The following EVPL variants were observed in gnomAD, a reference collection of about 807,000 sequenced individuals.
The protein encoded by EVPL is 210 kDa cornified envelope precursor protein.
A neutral mutation model predicts 129.7 loss-of-function variants in EVPL; 94 were observed. That is an observed-to-expected ratio of 0.72 (90% CI 0.61 to 0.86). The LOEUF (loss-of-function observed/expected upper bound fraction) is 0.86. Ranked by LOEUF, EVPL falls within the 40% of genes least tolerant of loss-of-function variation. The probability of loss-of-function intolerance (pLI) is 0.00; values close to 1 mark genes in which losing one functional copy is unlikely to be tolerated. For missense variants in EVPL, 2,625 were observed against 2,721.1 expected (o/e 0.96, Z 0.79); for synonymous variants, 1,172 against 1,191.1 (o/e 0.98, Z 0.33).
At chr17:76,014,350 C>T in intron 18 of EVPL, 76 bp downstream of exon 18, 1 of 1,497,436 alleles carries the variant, frequency 6.7e-7, no homozygotes, top group Non-Finnish European at 8.9e-7. Flanking sequence ...GGCTTTGAAG[C>T]CCCTTAGAGC....
chr17:76,027,203 G>A lies in EVPL; in HGVS notation c.-5C>T, dbSNP rs376000928. 543 of 1,598,600 alleles carry A rather than the reference G, an allele frequency of 3.4e-4. 2 individuals carry two copies. The highest frequency in any genetic ancestry group is 6.2e-4 in the Admixed American group (37 of 59,436). The stretch of plus-strand genomic sequence containing the variant: ...TTTGCTCAGCCCCTTGAACATGGTC[G>A]TAAAGGCAAGTGCTGGCTCAGGCTG... On this transcript the variant is annotated 5_prime_UTR_variant, in exon 1 of 22. In the 5' UTR this introduces an upstream ATG that the reference lacks. Transcript: ENST00000301607.
In EVPL at chr17:76,027,102, G is replaced by A. The variant is rs1435882624; in HGVS notation, c.97C>T (p.Arg33Trp). The A allele has an allele frequency of 2.0e-6, 3 of 1,478,748 alleles. No homozygotes were observed. Among genetic ancestry groups the A allele is most frequent in the African/African-American group, 1.4e-5 (1 of 69,268 alleles). 91.6% of individuals were successfully genotyped at this position (1,478,748 alleles called of 1,614,324 possible). A position where few individuals can be genotyped will look rare whatever the true frequency, so the allele number is the denominator to read the frequency against. ...TCCCCATCCCCCAGTCCCACTTACCGGCTGTGCCTGCTGGGGGAGCCTTTG... is the reference window on the plus strand; with the variant it reads ...TCCCCATCCCCCAGTCCCACTTACCAGCTGTGCCTGCTGGGGGAGCCTTTG... ...SPKGSPSRHS[R>W]AATQELALLI... is the part of the protein sequence containing the mutation. Residue 33 changes from arginine to tryptophan, a missense_variant and splice_region_variant, in exon 1 of 22, where the codon CGG becomes TGG. This residue lies in a region of EVPL where 139 missense variants were observed against 186.8 expected (regional missense o/e 0.74). Coordinates refer to ENST00000301607, the MANE Select transcript of EVPL (RefSeq NM_001988.4).
rs762395416 is a variant in EVPL, at chr17:76,010,275, G to A, written c.2930C>T (p.Ala977Val). The A allele has an allele frequency of 3.7e-6, 6 of 1,613,972 alleles. No individual in the cohort carries two copies. The highest frequency in any genetic ancestry group is 5.1e-6 in the Non-Finnish European group (6 of 1,180,016). The change falls in exon 22 of 22, where the codon GCC becomes GTC. Residue 977 changes from alanine to valine, a missense_variant. Physicochemically the swap from Ala to Val is moderately conservative, Grantham distance 64. Coordinates refer to ENST00000301607, the MANE Select transcript of EVPL (RefSeq NM_001988.4). ...CCGCTTGCCCTCCTCCTCCACCTGG[G>A]CCTTCACCCTGGACAGGCTGCCCTC... ...QLEGSLSRVK[A>V]QVEEEGKRRA...
rs2066409229 is a variant in EVPL, at chr17:76,015,166, A to C, written c.2029-57T>G. 2.6e-6 allele frequency: 4 copies of C among 1,554,168 alleles called. No homozygotes were observed. In the African/African-American group the frequency reaches 4.0e-5, roughly 16 times the overall value. ...TCGTGGCTGGGGAGACGCCGTGTCCACCCACCCGCCCCTGAATGCTGGGTT... is the reference window on the plus strand; with the variant it reads ...TCGTGGCTGGGGAGACGCCGTGTCCCCCCACCCGCCCCTGAATGCTGGGTT... On this transcript the variant is annotated intron_variant, in intron 16 of 21. Coordinates refer to ENST00000301607, the MANE Select transcript of EVPL (RefSeq NM_001988.4).
At chr17:76,014,796 G>T in intron 17 of EVPL, 120 bp downstream of exon 17, 1 of 1,184,814 alleles carries the variant, frequency 8.4e-7, no homozygotes, top group Non-Finnish European at 1.2e-6. Flanking sequence ...TCCCATTTTA[G>T]AGATGAGGAA....
At position 76,008,529 on chromosome 17, in the gene EVPL, C is replaced by T. The variant is rs776295618; in HGVS notation, c.4676G>A (p.Arg1559His). Residue 1559 changes from arginine (R) to histidine (H), a missense_variant, in exon 22 of 22, where the codon CGC (arginine) becomes CAC (histidine). Coordinates refer to ENST00000301607, the MANE Select transcript of EVPL (RefSeq NM_001988.4). The surrounding 1 kb of genome is among the most constrained non-coding windows in gnomAD (Gnocchi z 7.4). ...GGCCCGGTCAATGCGCTCCCGCAGG[C>T]GCCGTGCCTCCTCCTCCCGGGCCTG... is the stretch of plus-strand genomic sequence containing the variant. ...ARQAREEEARRLRERIDRAET... is the reference protein window; with the variant it reads ...ARQAREEEARHLRERIDRAET... The T allele has an allele frequency of 3.1e-6, 5 of 1,606,548 alleles. No homozygotes were observed. The highest frequency in any genetic ancestry group is 1.1e-5 in the South Asian group (1 of 90,972).
chr17:76,021,038 A>C (rs551282598), intron 9 of EVPL, among the ~76,000 whole-genome samples: 2 of 152,198 alleles, frequency 1.3e-5, no homozygotes, highest in South Asian at 4.1e-4. Flanking sequence ...TCTGGGACCG[A>C]GTGGCAACCA....
chr17:76,010,678 A>T (rs1039713949), intron 21 of EVPL, 135 bp from the exon 22 acceptor site: 2 of 932,080 alleles, frequency 2.1e-6, no homozygotes, highest in Admixed American at 5.8e-5. Context: ...TGAAGACCTA[A>T]GATGCTTGGA....
chr17:76,008,967 C>T lies in EVPL; in HGVS notation c.4238G>A (p.Arg1413Gln), dbSNP rs900135611. 9 of 1,611,544 alleles carry T rather than the reference C, an allele frequency of 5.6e-6. No individual in the cohort carries two copies. The East Asian group carries it at 6.7e-5, about 12-fold the overall frequency. The change falls in exon 22 of 22, where the codon CGG becomes CAG. Residue 1413 changes from arginine (R) to glutamine (Q), a missense_variant. Physicochemically the swap from Arg to Gln is conservative, Grantham distance 43 (BLOSUM62 1). Transcript: ENST00000301607. The surrounding 1 kb of genome is among the most constrained non-coding windows in gnomAD (Gnocchi z 7.4). Reference sequence around the variant, plus strand: ...GCCCTCCTGCTCCTCCACGCCGGCCCGCAGCTGCTGCACCTCAAGCTCTAG... The same window carrying T: ...GCCCTCCTGCTCCTCCACGCCGGCCTGCAGCTGCTGCACCTCAAGCTCTAG... ...RQLELEVQQLRAGVEEQEGLL... is the reference protein window; with the variant it reads ...RQLELEVQQLQAGVEEQEGLL...
Position 76,007,292 on chromosome 17 carries a change from G to A in EVPL, c.5913C>T (p.Leu1971=). 1.9e-6 allele frequency: 3 copies of A among 1,554,920 alleles called. No individual in the cohort carries two copies. The highest frequency in any genetic ancestry group is 1.2e-5 in the South Asian group (1 of 83,530). Residue 1971 remains leucine, a synonymous_variant, in exon 22 of 22, where the codon CTC becomes CTT. Transcript: ENST00000301607. The surrounding 1 kb of genome is among the most constrained non-coding windows in gnomAD (Gnocchi z 8.8). ...TCTCGTAGCTGGACTCGTCCTGCAG[G>A]AGCTGGGCCAGCTCTTCACTGATCA... The part of the protein sequence containing the change: ...SGMISEELAQ[L]LQDESSYEKD...
Position 76,007,185 on chromosome 17 carries a change from C to A in EVPL, c.6020G>T (p.Gly2007Val). 1 of 1,521,438 alleles carries A rather than the reference C, an allele frequency of 6.6e-7. No individual in the cohort carries two copies. 94.2% of individuals were successfully genotyped at this position (1,521,438 alleles called of 1,614,324 possible). The change falls in exon 22 of 22, where the codon GGC becomes GTC. Residue 2007 changes from glycine to valine, a missense_variant. Gly to Val is a moderately radical substitution (Grantham distance 109). This residue lies in a region of EVPL where 1,453 missense variants were observed against 1,511.8 expected (regional missense o/e 0.96). Transcript: ENST00000301607. The surrounding 1 kb of genome is among the most constrained non-coding windows in gnomAD (Gnocchi z 8.8). ...CAGTGCCGCTGGCAGGAGCAGCAGG[C>A]CGCTCAGGGGGTCTTTGCGGCAGCG... ...MGRCRKDPLS[G>V]LLLLPAALEG...
At chr17:76,025,445 G>T (rs946762433) in intron 1 of EVPL, among the ~76,000 whole-genome samples, 2 of 152,178 alleles carry the variant, frequency 1.3e-5, no homozygotes, top group African/African-American at 4.8e-5. Context: ...CCCTGAGGAC[G>T]GAGCTGCCCC....
In EVPL at chr17:76,013,019, C is replaced by T. The variant is rs756765040; in HGVS notation, c.2374-930G>A. 1.3e-5 allele frequency among the ~76,000 whole-genome samples: 2 copies of T among 152,208 alleles called. No homozygotes were observed. The highest frequency in any genetic ancestry group is 2.4e-5 in the African/African-American group (1 of 41,464). The stretch of plus-strand genomic sequence containing the variant: ...TTGGCCTCCCAAAGTGCTGGGATTA[C>T]AGGCGTGAGCCACCGCGCCCGGCCT... On this transcript the variant is annotated intron_variant, in intron 18 of 21. Coordinates refer to ENST00000301607, the MANE Select transcript of EVPL (RefSeq NM_001988.4). This position sits in a 1 kb window ranked among gnomAD's most constrained non-coding sequence, Gnocchi z 4.3.
chr17:76,008,289 G>T lies in EVPL; in HGVS notation c.4916C>A (p.Ser1639Ter). 6.2e-7 allele frequency: 1 copy of T among 1,610,974 alleles called. No homozygotes were observed. Among genetic ancestry groups the T allele is most frequent in the Middle Eastern group, 1.6e-4 (1 of 6,062 alleles). ...GCGGAGGATGGCCGCCTCCAGCCGC[G>T]AGAGCTCCTGGCCCCGCTGGGCCGC... ...QKAAQRGQEL[S>*]RLEAAILREK... The change falls in exon 22 of 22, where the codon TCG becomes TAG. Residue 1639 changes from serine to a stop codon, truncating the protein, a stop_gained. Transcript: ENST00000301607. LOFTEE classifies it high-confidence loss of function. This position sits in a 1 kb window ranked among gnomAD's most constrained non-coding sequence, Gnocchi z 7.4.
chr17:76,018,040 T>C, intron 13 of EVPL, 121 bp downstream of exon 13: 1 of 1,530,760 alleles, frequency 6.5e-7, no homozygotes, highest in Non-Finnish European at 8.8e-7. Flanking sequence ...ACCCCAGAGA[T>C]GAAATCCCCA....
chr17:76,016,778 T>C (rs2598418), intron 14 of EVPL, among the ~76,000 whole-genome samples: 122,720 of 152,084 alleles, frequency 0.81, 50,296 homozygotes, highest in African/African-American at 0.95. Flanking sequence ...CTCAGTGTTG[T>C]ACCTGTGGTC....
chr17:76,009,899 A>G lies in EVPL; in HGVS notation c.3306T>C (p.Asp1102=). 2 of 1,614,002 alleles carry G rather than the reference A, an allele frequency of 1.2e-6. No individual in the cohort carries two copies. The highest frequency in any genetic ancestry group is 1.7e-6 in the Non-Finnish European group (2 of 1,180,008). ...AQALRLQMEE[D]AARRKQAEEA... is the part of the protein sequence containing the mutation. Reference sequence around the variant, plus strand: ...CCTCCGCCTGCTTCCTCCGCGCAGCATCCTCCTCCATCTGCAGCCTCAGAG... The same window carrying G: ...CCTCCGCCTGCTTCCTCCGCGCAGCGTCCTCCTCCATCTGCAGCCTCAGAG... The change falls in exon 22 of 22, where the codon GAT becomes GAC. Residue 1102 remains aspartate, a synonymous_variant. Transcript: ENST00000301607. The surrounding 1 kb of genome is among the most constrained non-coding windows in gnomAD (Gnocchi z 5.9).
At position 76,021,953 on chromosome 17, in the gene EVPL, C is replaced by A. The variant is rs747856496; in HGVS notation, c.721G>T (p.Ala241Ser). 3 of 1,560,006 alleles carry A rather than the reference C, an allele frequency of 1.9e-6. No individual in the cohort carries two copies. The highest frequency in any genetic ancestry group is 2.3e-5 in the South Asian group (2 of 86,178). Residue 241 changes from alanine to serine, a missense_variant, in exon 7 of 22, where the codon GCC becomes TCC. Transcript: ENST00000301607. ...ATGCGGCGCTGCTGCTCAGCCAGGGCGCTCAGCTGCCGCGTGCAGCCCTGG... is the reference window on the plus strand; with the variant it reads ...ATGCGGCGCTGCTGCTCAGCCAGGGAGCTCAGCTGCCGCGTGCAGCCCTGG... ...HLQGCTRQLSALAEQQRRILQ... is the reference protein window; with the variant it reads ...HLQGCTRQLSSLAEQQRRILQ...
In EVPL at chr17:76,022,402, G is replaced by A; in HGVS notation, c.606+11C>T. 6.2e-7 allele frequency: 1 copy of A among 1,613,548 alleles called. No individual in the cohort carries two copies. The highest frequency in any genetic ancestry group is 1.1e-5 in the South Asian group (1 of 91,048). On this transcript the variant is annotated intron_variant, in intron 5 of 21. Transcript: ENST00000301607. The surrounding 1 kb of genome is among the most constrained non-coding windows in gnomAD (Gnocchi z 5.6). ...CTGGCCCCGGATGTGACATCCTCCA[G>A]GCTCACCTACCGGCCCCACGAGGCT... is the stretch of plus-strand genomic sequence containing the variant.
Sources: gnomAD v4.1 joint callset for allele counts (sites outside exome capture counted in the v4.1 genomes callset) on GRCh38, gnomAD v4.1.1 for gene constraint, gnomAD v4.1.1 regional missense constraint, Gnocchi (gnomAD v3.1) non-coding constraint, MANE v1.5 for transcripts, NCBI Gene and HGNC (gene_info 2026-07-23, HGNC 2026-07-21) for gene names.